DLGAP1: variants seen among roughly 807,000 people sequenced by gnomAD.
DLGAP1 encodes the protein DLG associated protein 1, also known as disks large-associated protein 1.
DLGAP1 carries 11 observed loss-of-function variants against 90.8 expected under a neutral mutation model. That is an observed-to-expected ratio of 0.12 (90% CI 0.08 to 0.20). The LOEUF is 0.20. Ranked by LOEUF, DLGAP1 falls within the 10% of genes least tolerant of loss-of-function variation. The pLI is 1.00. For missense variants in DLGAP1, 1,050 were observed against 1,333.8 expected, an observed-to-expected ratio of 0.79 and a Z score of 3.31; for synonymous variants, 558 against 540.7, an observed-to-expected ratio of 1.03 and a Z score of -0.44.
chr18:4,176,835 G>C (rs1454273459), intron 1 of DLGAP1, among the ~76,000 whole-genome samples: 2 of 152,200 alleles, frequency 1.3e-5, no homozygotes, highest in Non-Finnish European at 2.9e-5. Flanking sequence ...ATTGTTCATG[G>C]AAGTTTATCA....
rs1244042116 is a variant in DLGAP1, at chr18:3,726,686, T to C, written c.1591+2449A>G. ...TATTTTTCCACACCTGTAAAGATGATACATTATGTTTGGTTTAATGATTCT... is the reference window on the plus strand; with the variant it reads ...TATTTTTCCACACCTGTAAAGATGACACATTATGTTTGGTTTAATGATTCT... On this transcript the variant is annotated intron_variant, in intron 7 of 12. Coordinates refer to ENST00000315677, the MANE Select transcript of DLGAP1 (RefSeq NM_004746.4). Among the ~76,000 whole-genome samples, 8 of 152,332 alleles carry C rather than the reference T, an allele frequency of 5.3e-5. No individual in the cohort carries two copies. In the East Asian group the frequency reaches 1.5e-3, roughly 29 times the overall value.
chr18:4,064,584 G>C (rs1266460916), intron 2 of DLGAP1, among the ~76,000 whole-genome samples: 1 of 152,012 alleles, frequency 6.6e-6, no homozygotes, highest in Non-Finnish European at 1.5e-5. Context: ...ACATAACTTA[G>C]AAAATCTAGA....
intron 1 of DLGAP1, among the ~76,000 whole-genome samples, chr18:4,229,372 T>C (rs1285973618): frequency 1.3e-5 from 2 of 151,928 alleles, no homozygotes; most frequent in Admixed American, 1.3e-4. Flanking sequence ...TAGCCAAAGC[T>C]ATCCTGAGCA....
chr18:3,975,772 G>A lies in DLGAP1; in HGVS notation c.-73+29344C>T, dbSNP rs111899277. On this transcript the variant is annotated intron_variant, in intron 3 of 12. Transcript: ENST00000315677. ...GCCAGGAAATTCTGACACATCCTAC[G>A]ACATGGATGAACCTCAAAGACATTG... 6.4e-3 allele frequency among the ~76,000 whole-genome samples: 967 copies of A among 152,230 alleles called. 12 individuals are homozygous for A. Among genetic ancestry groups the A allele is most frequent in the African/African-American group, 0.021 (882 of 41,530 alleles).
intron 2 of DLGAP1, among the ~76,000 whole-genome samples, chr18:4,082,824 A>G (rs114052197): frequency 0.021 from 3,201 of 152,128 alleles, 112 homozygotes; most frequent in African/African-American, 0.072. Flanking sequence ...CTTCTTTGCT[A>G]AGGCTGGCTT....
rs1236924324 is a variant in DLGAP1 at position 4,378,439 on chromosome 18, A to G, written c.-267+76567T>C. Among the ~76,000 whole-genome samples the G allele has an allele frequency of 3.9e-5, 6 of 152,162 alleles. No homozygotes were observed. The highest frequency in any genetic ancestry group is 8.8e-5 in the Non-Finnish European group (6 of 68,008). ...GCTTAAACATCTAAAGAGTATGGTCAGGAAATAGAATTAACACTCAAATTG... is the reference window on the plus strand; with the variant it reads ...GCTTAAACATCTAAAGAGTATGGTCGGGAAATAGAATTAACACTCAAATTG... On this transcript the variant is annotated intron_variant, in intron 1 of 12. Transcript: ENST00000315677. This position sits in a 1 kb window ranked among gnomAD's most constrained non-coding sequence, Gnocchi z 4.5.
chr18:3,539,012 G>T (rs2052538794), intron 9 of DLGAP1, among the ~76,000 whole-genome samples: 1 of 152,150 alleles, frequency 6.6e-6, no homozygotes, highest in African/African-American at 2.4e-5. Flanking sequence ...AAATGGTTTG[G>T]GATTAAAAGC....
At chr18:4,412,946 G>A (rs1398264619) in intron 1 of DLGAP1, among the ~76,000 whole-genome samples, 1 of 152,202 alleles carries the variant, frequency 6.6e-6, no homozygotes, top group Non-Finnish European at 1.5e-5. Context: ...TTAGGTGATG[G>A]CAGATCGGAG....
intron 1 of DLGAP1, among the ~76,000 whole-genome samples, chr18:4,179,473 G>T (rs1052423260): frequency 6.6e-6 from 1 of 152,036 alleles, no homozygotes; most frequent in African/African-American, 2.4e-5. Context: ...TGTTATTATT[G>T]TTCTTATTGA....
At chr18:4,033,247 T>C (rs2074828064) in intron 2 of DLGAP1, among the ~76,000 whole-genome samples, 2 of 152,198 alleles carry the variant, frequency 1.3e-5, no homozygotes, top group Non-Finnish European at 2.9e-5. Flanking sequence ...AACGTGTCTC[T>C]TGACCATCAC....
intron 5 of DLGAP1, among the ~76,000 whole-genome samples, chr18:3,780,804 T>C (rs1218588264): frequency 6.6e-6 from 1 of 152,150 alleles, no homozygotes; most frequent in Non-Finnish European, 1.5e-5. Flanking sequence ...AAAGGATTTA[T>C]TTATATATTT....
intron 1 of DLGAP1, among the ~76,000 whole-genome samples, chr18:4,245,950 C>A (rs1047566437): frequency 6.1e-5 from 9 of 146,826 alleles, no homozygotes; most frequent in Non-Finnish European, 1.4e-4. Context: ...ATGGGAGAAG[C>A]TTTTCATAAT....
At chr18:3,954,211 T>C (rs1341676914) in intron 3 of DLGAP1, among the ~76,000 whole-genome samples, 2 of 152,226 alleles carry the variant, frequency 1.3e-5, no homozygotes, top group Non-Finnish European at 2.9e-5. Context: ...TCAAGTATTT[T>C]TTTAAAGTTA....
intron 1 of DLGAP1, among the ~76,000 whole-genome samples, chr18:4,394,225 A>C (rs1176051129): frequency 1.3e-5 from 2 of 152,248 alleles, no homozygotes; most frequent in Admixed American, 1.3e-4. Flanking sequence ...GAGCCTTGAA[A>C]AAACGTATTC....
intron 1 of DLGAP1, among the ~76,000 whole-genome samples, chr18:4,403,637 A>G (rs1423451733): frequency 6.6e-6 from 1 of 152,184 alleles, no homozygotes; most frequent in Admixed American, 6.5e-5. Flanking sequence ...AATGCAAATC[A>G]AAGTCTTGTT....
At chr18:4,216,028 C>T (rs2077946844) in intron 1 of DLGAP1, among the ~76,000 whole-genome samples, 2 of 152,222 alleles carry the variant, frequency 1.3e-5, no homozygotes, top group East Asian at 1.9e-4. Flanking sequence ...TCCATTCTCA[C>T]GCTGCTAATA....
chr18:4,333,850 T>C (rs1260721905), intron 1 of DLGAP1, among the ~76,000 whole-genome samples: 1 of 151,354 alleles, frequency 6.6e-6, no homozygotes, highest in Non-Finnish European at 1.5e-5. Context: ...TCCGCCCGCC[T>C]TGGCCTCCCA....
intron 9 of DLGAP1, among the ~76,000 whole-genome samples, chr18:3,552,759 C>T (rs968721558): frequency 7.2e-5 from 11 of 152,174 alleles, no homozygotes; most frequent in African/African-American, 2.2e-4. Context: ...CACTTGGCTC[C>T]GCAGATTCAA....
chr18:4,358,369 G>C (rs535833345), intron 1 of DLGAP1, among the ~76,000 whole-genome samples: 1 of 152,298 alleles, frequency 6.6e-6, no homozygotes, highest in African/African-American at 2.4e-5. Flanking sequence ...AATTAGTCCT[G>C]AGGGCAGAAT....
Sources: allele counts gnomAD v4.1 joint callset (sites outside exome capture counted in the v4.1 genomes callset), GRCh38; gene constraint gnomAD v4.1.1; non-coding constraint Gnocchi (gnomAD v3.1); transcripts MANE v1.5; gene names NCBI Gene and HGNC (gene_info 2026-07-23, HGNC 2026-07-21).